The following TGM2 variants were observed in gnomAD, a reference collection of about 807,000 sequenced individuals.
The protein encoded by TGM2 is transglutaminase 2.
Under a neutral mutation model 75.6 loss-of-function variants are expected in TGM2, and 53 were observed. The ratio of observed to expected loss-of-function variants is 0.70; its 90% confidence interval spans 0.56 to 0.88. The LOEUF (loss-of-function observed/expected upper bound fraction) is 0.88, where lower values mean the gene tolerates loss of function less well. Among genes scored for constraint, TGM2 ranks in the 40% least tolerant of loss-of-function variants. The pLI, the probability that TGM2 is intolerant of heterozygous loss-of-function variation, is 0.00. For synonymous variants in TGM2, 374 were observed against 381.1 expected (o/e 0.98, Z 0.22); for missense variants, 842 against 928.5 (o/e 0.91, Z 1.21).
intron 6 of TGM2, among the ~76,000 whole-genome samples, chr20:38,143,673 T>A (rs1036428008): frequency 6.6e-6 from 1 of 152,266 alleles, no homozygotes; most frequent in African/African-American, 2.4e-5. Flanking sequence ...TCTCTCATTT[T>A]AAAAATGTGC....
At chr20:38,165,136 C>T in intron 1 of TGM2, 53 bp downstream of exon 1, 1 of 1,613,700 alleles carries the variant, frequency 6.2e-7, no homozygotes, top group East Asian at 2.2e-5. Flanking sequence ...CGGGTCCTGA[C>T]CCCCAATGCC....
chr20:38,153,528 A>AAAAAAAAAAAAAAGAAAAAG (rs56670550), intron 3 of TGM2, among the ~76,000 whole-genome samples: 13 of 125,274 alleles, frequency 1.0e-4, no homozygotes, highest in African/African-American at 4.4e-4. Flanking sequence ...TGGTCTCAAA[A>AAAAAAAAAAAAAAGAAAAAG]AAAAGAAAAA....
intron 1 of TGM2, among the ~76,000 whole-genome samples, chr20:38,164,863 C>A (rs1474829146): frequency 6.6e-6 from 1 of 152,228 alleles, no homozygotes; most frequent in Admixed American, 6.5e-5. Flanking sequence ...GCCAGCACCC[C>A]CTGCACAGCT....
rs142292970 is a variant in TGM2, at chr20:38,138,219, G to A, written c.1509C>T (p.Tyr503=). 7.9e-5 allele frequency: 128 copies of A among 1,611,544 alleles called. No individual in the cohort carries two copies. Among genetic ancestry groups the A allele is most frequent in the Middle Eastern group, 1.6e-4 (1 of 6,078 alleles). The change falls in exon 10 of 13, where the codon TAC becomes TAT. Residue 503 remains tyrosine, a synonymous_variant. Transcript: ENST00000361475. ...GGGCACAGAGCAGGAGGCGGCAGAC[G>A]TACTCCTCAGCGGTGTTGTTGGTGA... The part of the protein sequence containing the change: ...AHITNNTAEE[Y]VCRLLLCART...
chr20:38,130,496 C>G (rs1023186414), intron 12 of TGM2, 127 bp from the exon 13 acceptor site: 1 of 1,026,592 alleles, frequency 9.7e-7, no homozygotes, highest in East Asian at 2.6e-5. Flanking sequence ...GCCTCATTCT[C>G]GGCCCTCTGC....
intron 2 of TGM2, among the ~76,000 whole-genome samples, chr20:38,156,633 G>A (rs2075191289): frequency 6.6e-6 from 1 of 152,216 alleles, no homozygotes; most frequent in Non-Finnish European, 1.5e-5. Flanking sequence ...GATGCTGGCT[G>A]GCCCACACAG....
intron 6 of TGM2, chr20:38,145,629 C>T (rs1413914762): frequency 2.0e-5 from 3 of 152,072 alleles, no homozygotes; most frequent in East Asian, 1.9e-4. Context: ...AAGGTACTAC[C>T]GTTGTGCCCA....
At chr20:38,165,142 A>G (rs779698986) in intron 1 of TGM2, 47 bp downstream of exon 1, 17 of 1,613,516 alleles carry the variant, frequency 1.1e-5, no homozygotes, top group South Asian at 6.6e-5. Context: ...CTGACCCCCA[A>G]TGCCCCGGGG....
upstream of TGM2, among the ~76,000 whole-genome samples, chr20:38,166,150 C>T (rs1315297567): frequency 1.4e-5 from 2 of 143,562 alleles, no homozygotes; most frequent in Non-Finnish European, 3.2e-5. Context: ...ACCCATGTCC[C>T]TTCCTGTAGC....
rs1032631544 is a variant in TGM2, at chr20:38,147,858, C to T, written c.681+103G>A. 2.0e-6 allele frequency: 3 copies of T among 1,511,862 alleles called. No individual in the cohort carries two copies. In the African/African-American group the frequency reaches 4.1e-5, roughly 21 times the overall value. The allele number at this position is 1,511,862 out of a possible 1,614,324, so 93.7% of individuals were successfully genotyped here. ...CTTTTCCCCAAGACTTACCCATCTC[C>T]CGGGTCCCCCACCGCGCCTAGCCTG... is the stretch of plus-strand genomic sequence containing the variant. On this transcript the variant is annotated intron_variant, in intron 5 of 12. Coordinates refer to ENST00000361475, the MANE Select transcript of TGM2 (RefSeq NM_004613.4).
At chr20:38,156,635 C>T (rs1488510181) in intron 2 of TGM2, among the ~76,000 whole-genome samples, 1 of 152,244 alleles carries the variant, frequency 6.6e-6, no homozygotes, top group Non-Finnish European at 1.5e-5. Context: ...TGCTGGCTGG[C>T]CCACACAGCC....
Position 38,127,391 on chromosome 20 carries a change from G to A in TGM2, c.*2828C>T. 1.0e-6 allele frequency: 1 copy of A among 984,970 alleles called. No homozygotes were observed. Among genetic ancestry groups the A allele is most frequent in the African/African-American group, 1.7e-5 (1 of 57,348 alleles). 61.0% of individuals were successfully genotyped at this position (984,970 alleles called of 1,614,324 possible). ...GGATTCGGCACCCAGAACACGTGAT[G>A]TCATGTTTTTATTTTGATTTATTTT... is the stretch of plus-strand genomic sequence containing the variant. On this transcript the variant is annotated 3_prime_UTR_variant, in exon 13 of 13. Coordinates refer to ENST00000361475, the MANE Select transcript of TGM2 (RefSeq NM_004613.4).
chr20:38,130,403 C>T (rs754152063), intron 12 of TGM2, 34 bp from the exon 13 acceptor site: 46 of 1,562,234 alleles, frequency 2.9e-5, no homozygotes, highest in East Asian at 7.1e-5. Flanking sequence ...AGGAAAGGGG[C>T]CCAAGGCCTG....
At chr20:38,162,574 G>A (rs1293036375) in intron 1 of TGM2, among the ~76,000 whole-genome samples, 1 of 152,172 alleles carries the variant, frequency 6.6e-6, no homozygotes. Flanking sequence ...AACCCGTTGT[G>A]ATGTATTGAT....
At chr20:38,156,159 G>T (rs1038936504) in intron 2 of TGM2, 70 bp from the exon 3 acceptor site, 91 of 1,561,848 alleles carry the variant, frequency 5.8e-5, no homozygotes, top group Non-Finnish European at 8.7e-6. Context: ...CCTACGTGGG[G>T]TCCCCCAGCT....
intron 7 of TGM2, 46 bp downstream of exon 7, chr20:38,142,018 G>A (rs1197626122): frequency 1.9e-6 from 3 of 1,612,102 alleles, no homozygotes; most frequent in African/African-American, 2.7e-5. Flanking sequence ...CCTCTCCATG[G>A]GGCCCTCCCT....
intron 3 of TGM2, among the ~76,000 whole-genome samples, chr20:38,153,429 G>A (rs2075138824): frequency 6.6e-6 from 1 of 151,584 alleles, no homozygotes; most frequent in Non-Finnish European, 1.5e-5. Context: ...GGAGGCTGAG[G>A]CATGAGAATC....
At chr20:38,136,373 C>A (rs1220602050) in intron 10 of TGM2, among the ~76,000 whole-genome samples, 1 of 152,170 alleles carries the variant, frequency 6.6e-6, no homozygotes, top group Admixed American at 6.5e-5. Flanking sequence ...AGGCAGGAGT[C>A]CGGGGAAAAC....
At chr20:38,137,506 C>G (rs1473790289) in intron 10 of TGM2, among the ~76,000 whole-genome samples, 2 of 152,220 alleles carry the variant, frequency 1.3e-5, no homozygotes, top group African/African-American at 4.8e-5. Flanking sequence ...TCTACGGTTG[C>G]ACCAGCCACA....
Sources: allele counts gnomAD v4.1 joint callset (sites outside exome capture counted in the v4.1 genomes callset), GRCh38; gene constraint gnomAD v4.1.1; transcripts MANE v1.5; gene names NCBI Gene and HGNC (gene_info 2026-07-23, HGNC 2026-07-21).